The following HDAC9 variants were observed in gnomAD, a reference collection of about 807,000 sequenced individuals.
The protein encoded by HDAC9 is histone deacetylase 9.
In HDAC9, 41 loss-of-function variants were observed where a neutral mutation model predicts 139.4. The ratio of observed to expected loss-of-function variants is 0.29; its 90% CI spans 0.23 to 0.38. The LOEUF (loss-of-function observed/expected upper bound fraction) is 0.38, where lower values mean the gene tolerates loss of function less well. HDAC9 is among the 10% of genes least tolerant of loss of function. The pLI, the probability that HDAC9 is intolerant of heterozygous loss-of-function variation, is 1.00. For synonymous variants in HDAC9, 517 were observed against 476.2 expected (o/e 1.09, Z -1.12); for missense variants, 1,147 against 1,297.0 (o/e 0.88, Z 1.78).
intron 2 of HDAC9, among the ~76,000 whole-genome samples, chr7:18,238,493 A>T (rs1380379394): frequency 6.6e-6 from 1 of 152,208 alleles, no homozygotes; most frequent in Non-Finnish European, 1.5e-5. Context: ...CGCAGTGTAG[A>T]TTTCAGAAGC....
chr7:18,179,664 T>C (rs1789231802), intron 2 of HDAC9, among the ~76,000 whole-genome samples: 1 of 152,220 alleles, frequency 6.6e-6, no homozygotes, highest in South Asian at 2.1e-4. Flanking sequence ...TGTTTATCTA[T>C]TAATGAGAAA....
chr7:18,419,868 C>A (rs62446975), intron 1 of HDAC9, among the ~76,000 whole-genome samples: 46 of 151,988 alleles, frequency 3.0e-4, no homozygotes, highest in Non-Finnish European at 5.9e-4. Flanking sequence ...AAGCATACAC[C>A]ATTACTATGA....
At chr7:18,758,651 A>C (rs1294017114) in intron 14 of HDAC9, among the ~76,000 whole-genome samples, 2 of 152,204 alleles carry the variant, frequency 1.3e-5, no homozygotes, top group Non-Finnish European at 2.9e-5. Flanking sequence ...AGGAGATCCT[A>C]TGTGTTAAGG....
At chr7:18,135,390 G>A (rs1210265834) in intron 1 of HDAC9, among the ~76,000 whole-genome samples, 11 of 142,016 alleles carry the variant, frequency 7.7e-5, no homozygotes, top group Middle Eastern at 3.7e-3. Context: ...CCATGCTGGT[G>A]CGCTGCACCC....
chr7:18,625,124 G>A (rs1335293289), intron 6 of HDAC9, among the ~76,000 whole-genome samples: 4 of 152,044 alleles, frequency 2.6e-5, no homozygotes, highest in African/African-American at 4.8e-5. Flanking sequence ...ACCAACTAAT[G>A]ATAAAAGTTG....
chr7:18,658,899 C>CAAAAAAAAAAAAAAACAA (rs11306117), intron 11 of HDAC9, among the ~76,000 whole-genome samples: 2 of 118,144 alleles, frequency 1.7e-5, no homozygotes, highest in South Asian at 2.6e-4. Context: ...AAAAAAAAAG[C>CAAAAAAAAAAAAAAACAA]AAAAAAAAAA....
At chr7:18,892,832 T>C (rs1800803207) in intron 22 of HDAC9, among the ~76,000 whole-genome samples, 2 of 152,086 alleles carry the variant, frequency 1.3e-5, no homozygotes, top group South Asian at 4.1e-4. Context: ...ATCTACCCCA[T>C]GTAAGACTGA....
At chr7:18,495,725 A>G (rs1327632593), upstream of HDAC9, 3 of 987,812 alleles carry the variant, frequency 3.0e-6, no homozygotes, top group East Asian at 1.1e-4. Context: ...AGCCAACTTG[A>G]GCTGAGAGAG....
intron 2 of HDAC9, among the ~76,000 whole-genome samples, chr7:18,530,584 C>T (rs1175740216): frequency 6.6e-6 from 1 of 151,976 alleles, no homozygotes; most frequent in Non-Finnish European, 1.5e-5. Flanking sequence ...GTTGAGAAGT[C>T]TCTGAAAGGG....
At chr7:18,704,243 G>T (rs961756528) in intron 12 of HDAC9, among the ~76,000 whole-genome samples, 19 of 152,332 alleles carry the variant, frequency 1.2e-4, no homozygotes, top group African/African-American at 4.3e-4. Context: ...TCACCAAGGT[G>T]CAGTGTGTAT....
intron 13 of HDAC9, among the ~76,000 whole-genome samples, chr7:18,733,771 G>T: frequency 6.6e-6 from 1 of 151,900 alleles, no homozygotes; most frequent in African/African-American, 2.4e-5. Context: ...ATGTTTTGAA[G>T]ACAGACTTAT....
chr7:18,184,209 A>G (rs960059522), intron 2 of HDAC9, among the ~76,000 whole-genome samples: 1 of 152,150 alleles, frequency 6.6e-6, no homozygotes, highest in Non-Finnish European at 1.5e-5. Flanking sequence ...GACCCGCCTG[A>G]CCAACATGGA....
At chr7:18,558,643 G>A (rs544686025) in intron 2 of HDAC9, among the ~76,000 whole-genome samples, 45 of 152,218 alleles carry the variant, frequency 3.0e-4, no homozygotes, top group Non-Finnish European at 4.7e-4. Flanking sequence ...AACTTTAATT[G>A]CTTTCTCTTC....
intron 2 of HDAC9, among the ~76,000 whole-genome samples, chr7:18,570,215 A>T (rs1288118154): frequency 6.6e-6 from 1 of 152,194 alleles, no homozygotes; most frequent in Non-Finnish European, 1.5e-5. Context: ...CTAATTGCCT[A>T]GACTCAATAG....
chr7:18,573,917 G>A (rs753602555), intron 2 of HDAC9, among the ~76,000 whole-genome samples: 4 of 152,122 alleles, frequency 2.6e-5, no homozygotes, highest in African/African-American at 4.8e-5. Context: ...CCTTCTCATC[G>A]CCCACAACAT....
intron 22 of HDAC9, among the ~76,000 whole-genome samples, chr7:18,905,082 A>AGAG (rs1802102600): frequency 2.0e-5 from 3 of 150,644 alleles, no homozygotes; most frequent in Admixed American, 2.0e-4. Context: ...GTTTTTTAGC[A>AGAG]ACCTGACCAT....
intron 21 of HDAC9, among the ~76,000 whole-genome samples, chr7:18,844,054 T>TCC (rs894385842): frequency 2.0e-4 from 30 of 152,278 alleles, no homozygotes; most frequent in Admixed American, 1.4e-3. Flanking sequence ...CCATATTTCA[T>TCC]CCCAATGATT....
At chr7:18,552,945 T>C (rs1393101744) in intron 2 of HDAC9, among the ~76,000 whole-genome samples, 1 of 152,232 alleles carries the variant, frequency 6.6e-6, no homozygotes, top group African/African-American at 2.4e-5. Flanking sequence ...GAAAACCATT[T>C]CTAATCCAAG....
intron 1 of HDAC9, among the ~76,000 whole-genome samples, chr7:18,449,362 C>G (rs537705769): frequency 2.6e-5 from 4 of 152,046 alleles, no homozygotes; most frequent in African/African-American, 7.2e-5. Context: ...AGAAAGTAAC[C>G]AAACACAAGA....
Sources: gnomAD v4.1 joint callset for allele counts (sites outside exome capture counted in the v4.1 genomes callset) on GRCh38, gnomAD v4.1.1 for gene constraint, MANE v1.5 for transcripts, NCBI Gene and HGNC (gene_info 2026-07-23, HGNC 2026-07-21) for gene names.